Variants in BTAF1 observed in about 807,000 individuals in gnomAD.
The protein encoded by BTAF1 is B-TFIID TATA-box binding protein associated factor 1.
BTAF1 carries 38 observed loss-of-function variants against 227.1 expected under a neutral mutation model. The observed-to-expected ratio is 0.17, with a 90% CI of 0.13 to 0.22. The LOEUF (loss-of-function observed/expected upper bound fraction) is 0.22, where lower values mean the gene tolerates loss of function less well. Ranked by LOEUF, BTAF1 falls within the 10% of genes least tolerant of loss-of-function variation. BTAF1 has a pLI of 1.00. For missense variants in BTAF1, 1,598 were observed against 2,204.0 expected, an observed-to-expected ratio of 0.73 and a Z score of 5.51; for synonymous variants, 742 against 751.9, an observed-to-expected ratio of 0.99 and a Z score of 0.21.
rs745495535 is a variant in BTAF1, at chr10:91,984,240, C to A, written c.2263C>A (p.Leu755Ile). The A allele has an allele frequency of 6.2e-7, 1 of 1,613,906 alleles. No individual in the cohort carries two copies. The highest frequency in any genetic ancestry group is 8.5e-7 in the Non-Finnish European group (1 of 1,179,918). ...TACCTTAGCTGTGCAGCCGCGTTTA[C>A]TTGATATCCTTTCAGAACATTTATA... is the stretch of plus-strand genomic sequence containing the variant. ...AVTLAVQPRL[L>I]DILSEHLYYD... The change falls in exon 19 of 38, where the codon CTT becomes ATT. Residue 755 changes from leucine (L) to isoleucine (I), a missense_variant. Coordinates refer to ENST00000265990, the MANE Select transcript of BTAF1 (RefSeq NM_003972.3).
chr10:92,019,995 T>C (rs934957564), intron 34 of BTAF1, among the ~76,000 whole-genome samples: 3 of 151,916 alleles, frequency 2.0e-5, no homozygotes, highest in Non-Finnish European at 4.4e-5. Context: ...GCCCTGGGAT[T>C]ATAGGCATGA....
At chr10:91,935,054 T>A (rs1189146291) in intron 1 of BTAF1, 3 of 152,244 alleles carry the variant, frequency 2.0e-5, no homozygotes, top group African/African-American at 7.2e-5. Context: ...GAGTAGAGAT[T>A]AGGCATCTCT....
rs568832069 is a variant in BTAF1, at chr10:91,957,415, G to A, written c.900+122G>A. On this transcript the variant is annotated intron_variant, in intron 8 of 37. Coordinates refer to ENST00000265990, the MANE Select transcript of BTAF1 (RefSeq NM_003972.3). ...TTCTCTGTTTGTCTCAGGACTCAGG[G>A]CACGTCATATCATTGACCTAAATAG... is the stretch of plus-strand genomic sequence containing the variant. The A allele has an allele frequency of 1.6e-5, 10 of 644,380 alleles. No homozygotes were observed. The South Asian group carries it at 2.8e-4, about 18-fold the overall frequency. The allele number at this position is 644,380 out of a possible 1,614,324, so 39.9% of individuals were successfully genotyped here. A position where few individuals can be genotyped will look rare whatever the true frequency, so the allele number is the denominator to read the frequency against.
chr10:91,975,080 T>A (rs1847590141), intron 14 of BTAF1, among the ~76,000 whole-genome samples: 1 of 152,228 alleles, frequency 6.6e-6, no homozygotes, highest in Admixed American at 6.5e-5. Context: ...TGTTAGTAAC[T>A]GGTAACTGTT....
chr10:91,940,509 G>A (rs1165953543), intron 3 of BTAF1, among the ~76,000 whole-genome samples: 1 of 151,734 alleles, frequency 6.6e-6, no homozygotes, highest in East Asian at 1.9e-4. Context: ...TGGATTTTTT[G>A]TAGTGGGAAA....
At chr10:91,976,126 C>G (rs1847672887) in intron 14 of BTAF1, among the ~76,000 whole-genome samples, 1 of 152,178 alleles carries the variant, frequency 6.6e-6, no homozygotes, top group African/African-American at 2.4e-5. Context: ...GAATGCTTCA[C>G]AGAACTCAGA....
At chr10:91,928,672 A>G (rs1040299921) in intron 1 of BTAF1, among the ~76,000 whole-genome samples, 1 of 151,196 alleles carries the variant, frequency 6.6e-6, no homozygotes, top group Non-Finnish European at 1.5e-5. Flanking sequence ...ATCATGTGTT[A>G]CTTAGTTGGG....
chr10:92,013,963 A>T lies in BTAF1; in HGVS notation c.4518A>T (p.Glu1506Asp), dbSNP rs1156849561. 3.1e-6 allele frequency: 5 copies of T among 1,613,788 alleles called. No individual in the cohort carries two copies. The African/African-American group carries it at 4.0e-5, about 13-fold the overall frequency. ...VLPFLLRRMK[E>D]DVLQDLPPKI... ...CGTTTCTTTTGAGAAGAATGAAAGA[A>T]GATGTTTTGCAGGATCTTCCACCTA... Residue 1506 changes from glutamate to aspartate, a missense_variant, in exon 32 of 38, where the codon GAA becomes GAT. Coordinates refer to ENST00000265990, the MANE Select transcript of BTAF1 (RefSeq NM_003972.3).
chr10:92,025,337 G>A (rs1291609934), intron 35 of BTAF1, among the ~76,000 whole-genome samples: 1 of 151,920 alleles, frequency 6.6e-6, no homozygotes, highest in African/African-American at 2.4e-5. Flanking sequence ...TGTGCACTGA[G>A]AACAAGTTGG....
chr10:92,016,541 TG>T (rs1405084895), intron 33 of BTAF1, 76 bp downstream of exon 33: 1 of 1,281,028 alleles, frequency 7.8e-7, no homozygotes, highest in East Asian at 2.8e-5. Flanking sequence ...TGCAGTGGCA[TG>T]ATCTCGGCTC....
chr10:92,026,928 A>G (rs1484073185), intron 36 of BTAF1, among the ~76,000 whole-genome samples, 177 bp downstream of exon 36: 1 of 152,172 alleles, frequency 6.6e-6, no homozygotes, highest in Non-Finnish European at 1.5e-5. Context: ...ATGAGGTGCT[A>G]GCACTTAGGA....
At chr10:92,016,903 T>C (rs1850779722) in intron 33 of BTAF1, among the ~76,000 whole-genome samples, 1 of 152,242 alleles carries the variant, frequency 6.6e-6, no homozygotes. Context: ...TTAAAATACC[T>C]ATTTAATATA....
intron 25 of BTAF1, among the ~76,000 whole-genome samples, chr10:91,998,199 G>C (rs900788019): frequency 7.9e-5 from 12 of 151,398 alleles, no homozygotes; most frequent in Non-Finnish European, 1.3e-4. Flanking sequence ...AAAAAAGAAG[G>C]CATTATTTCA....
intron 2 of BTAF1, among the ~76,000 whole-genome samples, chr10:91,938,820 A>C (rs1196764812): frequency 2.0e-5 from 3 of 152,172 alleles, no homozygotes; most frequent in Non-Finnish European, 2.9e-5. Context: ...TGACTAAGAC[A>C]CTGCATTTCA....
At chr10:91,930,259 G>T (rs1844183285) in intron 1 of BTAF1, among the ~76,000 whole-genome samples, 1 of 152,160 alleles carries the variant, frequency 6.6e-6, no homozygotes, top group Admixed American at 6.5e-5. Context: ...TCATGCAAGA[G>T]GCTATAGGTT....
At chr10:91,934,106 TGTGTATA>T (rs1487986567) in intron 1 of BTAF1, among the ~76,000 whole-genome samples, 1 of 152,226 alleles carries the variant, frequency 6.6e-6, no homozygotes, top group Non-Finnish European at 1.5e-5. Context: ...TGGATATGTC[TGTGTATA>T]GTGTATGTGT....
rs754892798 is a variant in BTAF1 at position 92,029,428 on chromosome 10, A to C, written c.*495A>C. ...ATATTGGTCAGTCTTAGAACATGAA[A>C]ATGTCAGACAATGAATTTAATCGGG... On this transcript the variant is annotated 3_prime_UTR_variant, in exon 38 of 38. Coordinates refer to ENST00000265990, the MANE Select transcript of BTAF1 (RefSeq NM_003972.3). 1 of 152,464 alleles carries C rather than the reference A, an allele frequency of 6.6e-6. No individual in the cohort carries two copies. Among genetic ancestry groups the C allele is most frequent in the African/African-American group, 2.4e-5 (1 of 41,444 alleles). The allele number at this position is 152,464 out of a possible 1,614,324, so 9.4% of individuals were successfully genotyped here.
At chr10:92,019,079 A>C (rs1418316728) in intron 34 of BTAF1, 144 bp downstream of exon 34, 10 of 856,146 alleles carry the variant, frequency 1.2e-5, no homozygotes, top group Non-Finnish European at 1.5e-5. Context: ...TTTTGTAAAA[A>C]TGTGGTTAAA....
chr10:91,958,915 G>C (rs1162010918), intron 8 of BTAF1, 150 bp from the exon 9 acceptor site: 5 of 679,464 alleles, frequency 7.4e-6, no homozygotes, highest in Non-Finnish European at 1.2e-5. Flanking sequence ...ATTCTTCTTA[G>C]ATAGTTGAAG....
Sources: gnomAD v4.1 joint callset for allele counts (sites outside exome capture counted in the v4.1 genomes callset) on GRCh38, gnomAD v4.1.1 for gene constraint, MANE v1.5 for transcripts, NCBI Gene and HGNC (gene_info 2026-07-23, HGNC 2026-07-21) for gene names.